DMD: variants seen among roughly 807,000 people sequenced by gnomAD.
The protein encoded by DMD is mutant dystrophin.
Under a neutral mutation model 330.1 loss-of-function variants are expected in DMD, and 63 were observed. The ratio of observed to expected loss-of-function variants is 0.19; its 90% CI spans 0.16 to 0.24. DMD has a LOEUF of 0.24. DMD is among the 10% of genes least tolerant of loss of function. The pLI, the probability that DMD is intolerant of heterozygous loss-of-function variation, is 1.00. For missense variants in DMD, 3,344 were observed against 2,684.1 expected (o/e 1.25, Z -5.43); for synonymous variants, 1,223 against 959.8 (o/e 1.27, Z -5.07).
intron 1 of DMD, among the ~76,000 whole-genome samples, chrX:33,187,677 G>A (rs961768103): frequency 8.9e-6 from 1 of 111,966 alleles, no homozygotes; most frequent in Non-Finnish European, 1.9e-5. Context: ...GACCAGTAAC[G>A]AAGAGCTTTT....
At chrX:32,360,616 C>T (rs2097828532) in intron 37 of DMD, among the ~76,000 whole-genome samples, 1 of 109,323 alleles carries the variant, frequency 9.1e-6, no homozygotes, top group Admixed American at 9.9e-5. Flanking sequence ...GGTGAAACCC[C>T]GTCTCTGCCA....
intron 55 of DMD, among the ~76,000 whole-genome samples, chrX:31,584,261 G>T: frequency 9.7e-6 from 1 of 102,683 alleles, no homozygotes; most frequent in Admixed American, 1.1e-4. Context: ...CCCTCCCCTC[G>T]CCCCACCCCC....
intron 42 of DMD, among the ~76,000 whole-genome samples, chrX:32,301,729 T>G (rs2097524476): frequency 1.8e-5 from 2 of 111,338 alleles, no homozygotes; most frequent in African/African-American, 6.5e-5. Flanking sequence ...AAAACACTAC[T>G]GATTAAATCA....
At chrX:32,942,623 G>A (rs1169888985) in intron 2 of DMD, among the ~76,000 whole-genome samples, 1 of 111,949 alleles carries the variant, frequency 8.9e-6, no homozygotes, top group Non-Finnish European at 1.9e-5. Flanking sequence ...GAGGTAAATT[G>A]CCATGGAAAT....
chrX:32,677,717 A>G (rs990469103), intron 9 of DMD, among the ~76,000 whole-genome samples: 2 of 111,826 alleles, frequency 1.8e-5, no homozygotes, highest in African/African-American at 6.5e-5. Context: ...CTCAATTTTT[A>G]GAATAATGAT....
At chrX:33,174,017 T>C (rs1250852894) in intron 1 of DMD, among the ~76,000 whole-genome samples, 5 of 84,264 alleles carry the variant, frequency 5.9e-5, no homozygotes, top group East Asian at 3.7e-4. Flanking sequence ...ATTGTATCTA[T>C]ATAAGATTGG....
At chrX:33,174,103 T>A (rs2148711517) in intron 1 of DMD, among the ~76,000 whole-genome samples, 1 of 107,306 alleles carries the variant, frequency 9.3e-6, no homozygotes, top group Non-Finnish European at 1.9e-5. Context: ...GAGGGTAGAA[T>A]GACAAGGGTC....
intron 60 of DMD, among the ~76,000 whole-genome samples, chrX:31,390,738 C>T (rs1473166186): frequency 8.9e-6 from 1 of 112,116 alleles, no homozygotes; most frequent in African/African-American, 3.2e-5. Flanking sequence ...GCAAATGCCT[C>T]TTACCTGGCC....
chrX:32,640,138 T>C (rs919115906), intron 11 of DMD, among the ~76,000 whole-genome samples: 21 of 109,194 alleles, frequency 1.9e-4, no homozygotes, highest in African/African-American at 5.6e-4. Flanking sequence ...ATATAGAAAA[T>C]ATCAAATTAC....
chrX:31,411,048 G>T (rs1368118335), intron 60 of DMD, among the ~76,000 whole-genome samples: 1 of 109,207 alleles, frequency 9.2e-6, no homozygotes, highest in Non-Finnish European at 1.9e-5. Flanking sequence ...TTACAGGCGT[G>T]AGCCACTGCA....
intron 5 of DMD, among the ~76,000 whole-genome samples, chrX:32,817,429 TTC>T (rs1025934471): frequency 1.3e-4 from 15 of 112,459 alleles, no homozygotes; most frequent in African/African-American, 4.8e-4. Flanking sequence ...AGTTTAATTC[TTC>T]TGAGTCATCT....
At chrX:31,380,169 A>T (rs1302608953) in intron 60 of DMD, among the ~76,000 whole-genome samples, 1 of 110,086 alleles carries the variant, frequency 9.1e-6, no homozygotes, top group Non-Finnish European at 1.9e-5. Context: ...AGGCTTCTAA[A>T]CCTCTTAAAA....
At chrX:32,794,312 AG>A (rs1180838930) in intron 7 of DMD, among the ~76,000 whole-genome samples, 1 of 112,410 alleles carries the variant, frequency 8.9e-6, no homozygotes, top group African/African-American at 3.2e-5. Context: ...TGGAATGGTC[AG>A]GCGTGGTGGC....
At chrX:32,345,886 C>T in intron 39 of DMD, 57 bp downstream of exon 39, 3 of 1,147,429 alleles carry the variant, frequency 2.6e-6, no homozygotes, top group Non-Finnish European at 1.2e-6. Context: ...TTATATTTTA[C>T]CCTATATATT....
At chrX:31,343,089 T>G (rs1204040593) in intron 61 of DMD, among the ~76,000 whole-genome samples, 2 of 112,060 alleles carry the variant, frequency 1.8e-5, no homozygotes, top group East Asian at 5.5e-4. Flanking sequence ...ATCTTTAAAC[T>G]CTTCAAAAGA....
rs913847163 is a variant in DMD at position 33,126,662 on chromosome X, T to G, written c.31+84620A>C. ...GACTCTATAAGCATAATTTAATAAATAGACGGATGATTGTTTTTAACTTAT... is the reference window on the plus strand; with the variant it reads ...GACTCTATAAGCATAATTTAATAAAGAGACGGATGATTGTTTTTAACTTAT... On this transcript the variant is annotated intron_variant, in intron 1 of 78. Transcript: ENST00000357033. Among the ~76,000 whole-genome samples, 4 of 112,339 alleles carry G rather than the reference T, an allele frequency of 3.6e-5. No homozygotes were observed. The East Asian group carries it at 1.1e-3, about 31-fold the overall frequency.
intron 60 of DMD, among the ~76,000 whole-genome samples, chrX:31,390,148 A>G (rs201103241): frequency 9.1e-6 from 1 of 110,343 alleles, no homozygotes; most frequent in African/African-American, 3.3e-5. Flanking sequence ...GAAAAAAAAA[A>G]CAAAAAGCCC....
intron 74 of DMD, among the ~76,000 whole-genome samples, chrX:31,163,471 C>A (rs1434794342): frequency 1.8e-5 from 2 of 111,808 alleles, no homozygotes; most frequent in African/African-American, 6.5e-5. Flanking sequence ...GACTAATACA[C>A]CAAGTAACTT....
At chrX:32,222,273 A>G (rs1285767381) in intron 43 of DMD, among the ~76,000 whole-genome samples, 1 of 111,793 alleles carries the variant, frequency 8.9e-6, no homozygotes, top group Non-Finnish European at 1.9e-5. Context: ...GGATACAGCA[A>G]AAGCAAGGCT....
Sources: allele counts gnomAD v4.1 joint callset (sites outside exome capture counted in the v4.1 genomes callset), GRCh38; gene constraint gnomAD v4.1.1; transcripts MANE v1.5; gene names NCBI Gene and HGNC (gene_info 2026-07-23, HGNC 2026-07-21).